Variants in FNIP1 observed in about 807,000 individuals in gnomAD.
FNIP1 encodes folliculin-interacting protein 1.
In FNIP1, 40 loss-of-function variants were observed where a neutral mutation model predicts 124.5. The ratio of observed to expected loss-of-function variants is 0.32; its 90% CI spans 0.25 to 0.42. The LOEUF is 0.42. Among genes scored for constraint, FNIP1 ranks in the 10% least tolerant of loss-of-function variants. FNIP1 has a pLI of 1.00. For synonymous variants in FNIP1, 472 were observed against 470.6 expected, an observed-to-expected ratio of 1.00 and a Z score of -0.04; for missense variants, 1,176 against 1,403.7, an observed-to-expected ratio of 0.84 and a Z score of 2.59.
intron 1 of FNIP1, among the ~76,000 whole-genome samples, chr5:131,756,184 T>C (rs1771046321): frequency 6.6e-6 from 1 of 152,074 alleles, no homozygotes; most frequent in Admixed American, 6.5e-5. Context: ...GGAATAACCA[T>C]ATAGCAATTG....
intron 11 of FNIP1, among the ~76,000 whole-genome samples, chr5:131,688,101 TA>T (rs200001628): frequency 0.028 from 4,060 of 145,150 alleles, 184 homozygotes; most frequent in African/African-American, 0.094. Context: ...AAATTCAGAC[TA>T]AAAAAAAAAA....
chr5:131,710,828 G>C (rs557971154), intron 6 of FNIP1, among the ~76,000 whole-genome samples, 167 bp from the exon 7 acceptor site: 4 of 152,082 alleles, frequency 2.6e-5, no homozygotes, highest in Admixed American at 1.3e-4. Flanking sequence ...TTTTGAAACA[G>C]GATGGTGTTT....
At position 131,650,897 on chromosome 5, in the gene FNIP1, TA is replaced by T. The variant is rs1449161989; in HGVS notation, c.3306+904del. ...GTTACCAGTATTATAAAGAGATCAA[TA>T]AAAGTCCTGACATGACAATGAGGAT... On this transcript the variant is annotated intron_variant, in intron 16 of 17. Transcript: ENST00000510461. 3.9e-5 allele frequency among the ~76,000 whole-genome samples: 6 copies of T among 152,166 alleles called. No homozygotes were observed. The East Asian group carries it at 7.7e-4, about 20-fold the overall frequency.
chr5:131,660,441 G>T (rs1767390889), intron 15 of FNIP1, among the ~76,000 whole-genome samples: 1 of 152,036 alleles, frequency 6.6e-6, no homozygotes, highest in African/African-American at 2.4e-5. Flanking sequence ...GCTCCACCTG[G>T]ACTGACAACC....
intron 15 of FNIP1, among the ~76,000 whole-genome samples, chr5:131,668,838 C>G (rs1019643488): frequency 6.6e-6 from 1 of 152,124 alleles, no homozygotes; most frequent in Non-Finnish European, 1.5e-5. Context: ...TCTAATAAAA[C>G]TTCATCTATA....
intron 1 of FNIP1, among the ~76,000 whole-genome samples, chr5:131,751,510 C>T (rs1770870949): frequency 6.6e-6 from 1 of 151,050 alleles, no homozygotes; most frequent in Non-Finnish European, 1.5e-5. Context: ...ACTACATATC[C>T]CTAAGTAAAT....
At chr5:131,748,915 C>T (rs1770776107) in intron 1 of FNIP1, among the ~76,000 whole-genome samples, 1 of 151,872 alleles carries the variant, frequency 6.6e-6, no homozygotes, top group Non-Finnish European at 1.5e-5. Context: ...TACAGTGGGA[C>T]AAGATGTGGA....
chr5:131,651,314 G>A (rs1446054516), intron 16 of FNIP1, among the ~76,000 whole-genome samples: 1 of 152,198 alleles, frequency 6.6e-6, no homozygotes, highest in African/African-American at 2.4e-5. Context: ...GATCACCTGA[G>A]CCCAAGAAGT....
chr5:131,787,180 C>T (rs886674550), intron 1 of FNIP1, among the ~76,000 whole-genome samples: 1 of 152,116 alleles, frequency 6.6e-6, no homozygotes, highest in African/African-American at 2.4e-5. Context: ...GTCATGATGA[C>T]CATGAATAAG....
At chr5:131,656,699 T>C (rs1456303953) in intron 15 of FNIP1, among the ~76,000 whole-genome samples, 2 of 152,256 alleles carry the variant, frequency 1.3e-5, no homozygotes, top group East Asian at 1.9e-4. Context: ...AAGAAAATCA[T>C]AGAGGACAAA....
Position 131,671,926 on chromosome 5 carries a change from T to G in FNIP1, c.2518A>C (p.Asn840His). Residue 840 changes from asparagine to histidine, a missense_variant, in exon 14 of 18, where the codon AAT (asparagine) becomes CAT (histidine). Asn to His is a moderately conservative substitution (Grantham distance 68, BLOSUM62 1). Around this residue, in one of 2 missense-constraint regions of FNIP1, gnomAD observed 1,109 missense variants for 1,288.5 expected, o/e 0.86. Transcript: ENST00000510461. ...GTCCTGGTTTCGATTGAATCATCAT[T>G]AAAATATTCGTCGAATAAGCTCATG... ...ESMSLFDEYF[N>H]DDSIETRTID... The G allele has an allele frequency of 6.2e-7, 1 of 1,614,222 alleles. No homozygotes were observed. Among genetic ancestry groups the G allele is most frequent in the South Asian group, 1.1e-5 (1 of 91,078 alleles).
intron 2 of FNIP1, among the ~76,000 whole-genome samples, chr5:131,743,398 A>G (rs762735188): frequency 1.3e-5 from 2 of 151,996 alleles, no homozygotes; most frequent in Non-Finnish European, 2.9e-5. Context: ...ACCGAGAGAC[A>G]GAGAAGACCA....
intron 1 of FNIP1, among the ~76,000 whole-genome samples, chr5:131,756,328 A>G (rs965892559): frequency 1.3e-5 from 2 of 152,186 alleles, no homozygotes; most frequent in African/African-American, 2.4e-5. Context: ...AAACAGACAG[A>G]AATAAACTGA....
At chr5:131,764,086 G>A (rs1185836852) in intron 1 of FNIP1, among the ~76,000 whole-genome samples, 1 of 151,824 alleles carries the variant, frequency 6.6e-6, no homozygotes, top group Admixed American at 6.6e-5. Context: ...ACGCCCCCTT[G>A]CCTTTTTTTT....
At chr5:131,788,694 C>CAAAAAAAAAAAAAAAAAAAAAAAAAAAAA in intron 1 of FNIP1, among the ~76,000 whole-genome samples, 1 of 58,132 alleles carries the variant, frequency 1.7e-5, no homozygotes, top group Non-Finnish European at 3.9e-5. Context: ...GACTCTGTCT[C>CAAAAAAAAAAAAAAAAAAAAAAAAAAAAA]AAAAAAAAAA....
chr5:131,700,036 T>G (rs1580766537), intron 10 of FNIP1, among the ~76,000 whole-genome samples: 1 of 148,862 alleles, frequency 6.7e-6, no homozygotes, highest in Middle Eastern at 3.5e-3. Flanking sequence ...CCAGCTGGAG[T>G]GCAGTGGCAC....
At chr5:131,710,893 T>C (rs1769269962) in intron 6 of FNIP1, among the ~76,000 whole-genome samples, 1 of 152,216 alleles carries the variant, frequency 6.6e-6, no homozygotes, top group African/African-American at 2.4e-5. Flanking sequence ...CTAATAAATC[T>C]ATATGTAATA....
chr5:131,672,812 T>C lies in FNIP1; in HGVS notation c.1632A>G (p.Arg544=). ...GATGCGTTTCTTGAAGTTCAGAGCA[T>C]CTTATAAAATAAGTAAGAAAATAAA... ...RLLYFLTYFI[R]CSELQETHLL... Residue 544 remains arginine, a synonymous_variant, in exon 14 of 18, where the codon AGA becomes AGG. Transcript: ENST00000510461. The C allele has an allele frequency of 1.2e-6, 2 of 1,613,362 alleles. No homozygotes were observed. Among genetic ancestry groups the C allele is most frequent in the African/African-American group, 2.7e-5 (2 of 74,996 alleles).
At chr5:131,781,444 G>T (rs900194166) in intron 1 of FNIP1, among the ~76,000 whole-genome samples, 5 of 152,208 alleles carry the variant, frequency 3.3e-5, no homozygotes, top group Non-Finnish European at 7.3e-5. Context: ...TTAAAGGACA[G>T]GCTGACTCTC....
Sources: gnomAD v4.1 joint callset for allele counts (sites outside exome capture counted in the v4.1 genomes callset) on GRCh38, gnomAD v4.1.1 for gene constraint, gnomAD v4.1.1 regional missense constraint, MANE v1.5 for transcripts, NCBI Gene and HGNC (gene_info 2026-07-23, HGNC 2026-07-21) for gene names.